DACH1: variants seen among roughly 807,000 people sequenced by gnomAD.
The protein encoded by DACH1 is dachshund homolog 1.
A neutral mutation model predicts 54.2 loss-of-function variants in DACH1; 12 were observed. That is an observed-to-expected ratio of 0.22 (90% confidence interval 0.14 to 0.36). The LOEUF is 0.36. DACH1 is among the 10% of genes least tolerant of loss of function. The pLI is 1.00. For synonymous variants in DACH1, 386 were observed against 366.2 expected (o/e 1.05, Z -0.62); for missense variants, 805 against 929.8 (o/e 0.87, Z 1.75).
intron 2 of DACH1, among the ~76,000 whole-genome samples, chr13:71,635,965 G>T (rs1024146195): frequency 1.3e-5 from 2 of 152,016 alleles, no homozygotes; most frequent in Admixed American, 1.3e-4. Flanking sequence ...GGTATTTTTA[G>T]TAGAGATGGG....
At chr13:71,764,594 T>A (rs1205421383) in intron 1 of DACH1, among the ~76,000 whole-genome samples, 1 of 152,220 alleles carries the variant, frequency 6.6e-6, no homozygotes, top group Non-Finnish European at 1.5e-5. Context: ...ATGCTGTTTG[T>A]CTTGGGATGT....
At chr13:71,733,632 G>A (rs1009569223) in intron 1 of DACH1, among the ~76,000 whole-genome samples, 3 of 152,136 alleles carry the variant, frequency 2.0e-5, no homozygotes, top group African/African-American at 7.2e-5. Context: ...AAAATATGAT[G>A]TAATTGTCAA....
At chr13:71,753,977 A>C (rs370704798) in intron 1 of DACH1, among the ~76,000 whole-genome samples, 10 of 152,346 alleles carry the variant, frequency 6.6e-5, no homozygotes, top group African/African-American at 2.4e-4. Context: ...ACAGATGCAA[A>C]GAGAAACCAA....
intron 1 of DACH1, among the ~76,000 whole-genome samples, chr13:71,733,607 G>A (rs1883851459): frequency 6.6e-6 from 1 of 152,190 alleles, no homozygotes; most frequent in South Asian, 2.1e-4. Flanking sequence ...CAGGAGCAAG[G>A]ACTCCTTAAA....
intron 1 of DACH1, among the ~76,000 whole-genome samples, chr13:71,748,910 TTC>T (rs1566476980): frequency 7.6e-5 from 3 of 39,226 alleles, no homozygotes; most frequent in Non-Finnish European, 3.3e-4. Flanking sequence ...CTTTCTTTCT[TTC>T]TTTCTTTCTT....
At chr13:71,733,560 T>C (rs571556074) in intron 1 of DACH1, among the ~76,000 whole-genome samples, 2 of 152,212 alleles carry the variant, frequency 1.3e-5, no homozygotes, top group South Asian at 4.1e-4. Context: ...TTAAGAATTG[T>C]TAAAAGTATT....
chr13:71,690,529 A>C (rs1881424095), intron 1 of DACH1, among the ~76,000 whole-genome samples: 1 of 152,244 alleles, frequency 6.6e-6, no homozygotes, highest in Non-Finnish European at 1.5e-5. Context: ...AAACAATTGT[A>C]AGTGGCCTTC....
intron 1 of DACH1, among the ~76,000 whole-genome samples, chr13:71,715,574 A>G (rs776583067): frequency 6.6e-6 from 1 of 152,058 alleles, no homozygotes; most frequent in South Asian, 2.1e-4. Context: ...TTCTCTGAGT[A>G]AAAGTATTAT....
intron 6 of DACH1, among the ~76,000 whole-genome samples, chr13:71,525,311 T>G (rs1881880205): frequency 6.6e-6 from 1 of 152,176 alleles, no homozygotes; most frequent in Admixed American, 6.5e-5. Flanking sequence ...ATTTACTGCC[T>G]TGCTCAGAGC....
chr13:71,452,831 G>A (rs940205744), intron 10 of DACH1, among the ~76,000 whole-genome samples: 9 of 152,166 alleles, frequency 5.9e-5, no homozygotes, highest in Non-Finnish European at 1.0e-4. Flanking sequence ...AGTTAGGACT[G>A]CATATGCAAT....
At chr13:71,702,167 T>A (rs1322934173) in intron 1 of DACH1, among the ~76,000 whole-genome samples, 5 of 152,170 alleles carry the variant, frequency 3.3e-5, no homozygotes, top group Non-Finnish European at 5.9e-5. Flanking sequence ...ATTATTCACA[T>A]CTAAAGACTT....
intron 3 of DACH1, among the ~76,000 whole-genome samples, chr13:71,592,163 A>T (rs909221361): frequency 2.0e-5 from 3 of 152,142 alleles, no homozygotes; most frequent in African/African-American, 7.2e-5. Context: ...TAAACAAAGC[A>T]CCTGCTATAT....
At chr13:71,700,810 A>G (rs1365881370) in intron 1 of DACH1, among the ~76,000 whole-genome samples, 2 of 152,156 alleles carry the variant, frequency 1.3e-5, no homozygotes, top group Non-Finnish European at 2.9e-5. Flanking sequence ...AACAAAATTA[A>G]TGCAAGTTGA....
chr13:71,592,876 T>C (rs188182907), intron 3 of DACH1, among the ~76,000 whole-genome samples: 48 of 152,254 alleles, frequency 3.2e-4, no homozygotes, highest in Admixed American at 2.6e-3. Flanking sequence ...TGGTCCAGAG[T>C]AGGCATTCAG....
At chr13:71,522,948 T>C (rs901403757) in intron 6 of DACH1, among the ~76,000 whole-genome samples, 3 of 152,140 alleles carry the variant, frequency 2.0e-5, no homozygotes, top group African/African-American at 7.2e-5. Flanking sequence ...TCTCCTACTG[T>C]AAGGACACCA....
At chr13:71,749,910 T>C (rs958349099) in intron 1 of DACH1, among the ~76,000 whole-genome samples, 2 of 152,148 alleles carry the variant, frequency 1.3e-5, no homozygotes, top group Non-Finnish European at 2.9e-5. Flanking sequence ...AGAGGAATGA[T>C]TGAAGAAAGG....
chr13:71,766,991 C>T (rs767113801), intron 1 of DACH1, among the ~76,000 whole-genome samples: 6 of 152,050 alleles, frequency 3.9e-5, no homozygotes, highest in Admixed American at 1.3e-4. Flanking sequence ...TCCTAGTTAA[C>T]ACCCTCCTCT....
intron 1 of DACH1, among the ~76,000 whole-genome samples, chr13:71,805,879 C>T (rs1355921378): frequency 1.3e-5 from 2 of 152,112 alleles, no homozygotes; most frequent in Non-Finnish European, 2.9e-5. Context: ...ATGATCTCAT[C>T]TCACTGCAAC....
At chr13:71,591,770 C>G (rs371244512) in intron 3 of DACH1, among the ~76,000 whole-genome samples, 79 of 152,230 alleles carry the variant, frequency 5.2e-4, no homozygotes, top group African/African-American at 1.8e-3. Flanking sequence ...TATCTGATGA[C>G]ATTTTAAGGT....
Sources: allele counts gnomAD v4.1 joint callset (sites outside exome capture counted in the v4.1 genomes callset), GRCh38; gene constraint gnomAD v4.1.1; transcripts MANE v1.5; gene names NCBI Gene and HGNC (gene_info 2026-07-23, HGNC 2026-07-21).